The following ZFP64 variants were observed in gnomAD, a reference collection of about 807,000 sequenced individuals.
The protein encoded by ZFP64 is zinc finger protein 64.
A neutral mutation model predicts 51.6 loss-of-function variants in ZFP64; 14 were observed. The ratio of observed to expected loss-of-function variants is 0.27; its 90% CI spans 0.18 to 0.42. The LOEUF (loss-of-function observed/expected upper bound fraction) is 0.42. Among genes scored for constraint, ZFP64 ranks in the 10% least tolerant of loss-of-function variants. The pLI is 1.00. For synonymous variants in ZFP64, 375 were observed against 361.4 expected (o/e 1.04, Z -0.43); for missense variants, 754 against 906.8 (o/e 0.83, Z 2.16).
chr20:52,090,610 C>T (rs1009431862), intron 7 of ZFP64, among the ~76,000 whole-genome samples: 2 of 151,682 alleles, frequency 1.3e-5, no homozygotes, highest in South Asian at 2.1e-4. Flanking sequence ...ACCAGCCTGG[C>T]CAACATGGTG....
chr20:52,128,316 T>C (rs1979544209), intron 5 of ZFP64, among the ~76,000 whole-genome samples: 1 of 152,204 alleles, frequency 6.6e-6, no homozygotes, highest in Non-Finnish European at 1.5e-5. Context: ...GGTCCACTGA[T>C]ATTCCATTGG....
intron 7 of ZFP64, among the ~76,000 whole-genome samples, chr20:52,095,929 G>A (rs911967666): frequency 2.6e-5 from 4 of 152,202 alleles, no homozygotes; most frequent in African/African-American, 4.8e-5. Flanking sequence ...TCCTCAAACT[G>A]AGCTGCCTCG....
intron 5 of ZFP64, among the ~76,000 whole-genome samples, chr20:52,101,753 T>C (rs2079052834): frequency 6.6e-6 from 1 of 151,744 alleles, no homozygotes; most frequent in African/African-American, 2.4e-5. Flanking sequence ...GATTCTGCTG[T>C]ATTACTTGTA....
At chr20:52,172,219 GTT>G (rs1178918096) in intron 2 of ZFP64, among the ~76,000 whole-genome samples, 1 of 150,298 alleles carries the variant, frequency 6.7e-6, no homozygotes. Context: ...GTGTGTGTGT[GTT>G]TGTGTGTGTG....
chr20:52,120,066 A>G (rs1260583933), intron 5 of ZFP64, among the ~76,000 whole-genome samples: 3 of 152,114 alleles, frequency 2.0e-5, no homozygotes, highest in Non-Finnish European at 4.4e-5. Flanking sequence ...CCTGGAAGGA[A>G]TTAGTGCCCT....
intron 2 of ZFP64, among the ~76,000 whole-genome samples, chr20:52,184,977 T>C (rs1307051306): frequency 6.6e-6 from 1 of 152,186 alleles, no homozygotes; most frequent in African/African-American, 2.4e-5. Context: ...ACTTTCTCTA[T>C]AGTACATGCT....
In ZFP64 at chr20:52,105,083, T is replaced by C. The variant is rs945791262; in HGVS notation, c.764-6496A>G. ...TACCCGCGCGGGTCCGGAGAACCTCTGAGCACCGGCCCCCAGCCCCCGGGC... is the reference window on the plus strand; with the variant it reads ...TACCCGCGCGGGTCCGGAGAACCTCCGAGCACCGGCCCCCAGCCCCCGGGC... On this transcript the variant is annotated intron_variant, in intron 5 of 8. Transcript: ENST00000361387. 1.9e-5 allele frequency: 26 copies of C among 1,402,030 alleles called. 1 individual carries two copies. The South Asian group carries it at 3.8e-4, about 21-fold the overall frequency. The allele number at this position is 1,402,030 out of a possible 1,614,324, so 86.8% of individuals were successfully genotyped here. A position where few individuals can be genotyped will look rare whatever the true frequency, so the allele number is the denominator to read the frequency against.
At chr20:52,120,833 T>C (rs1288064231) in intron 5 of ZFP64, among the ~76,000 whole-genome samples, 1 of 151,954 alleles carries the variant, frequency 6.6e-6, no homozygotes, top group Non-Finnish European at 1.5e-5. Context: ...TGTGCCACCA[T>C]GCCCAGATAA....
chr20:52,098,256 C>T (rs2079013151), intron 6 of ZFP64, among the ~76,000 whole-genome samples: 1 of 151,962 alleles, frequency 6.6e-6, no homozygotes, highest in African/African-American at 2.4e-5. Flanking sequence ...GAGTCCCACG[C>T]TGAGCTCTGG....
intron 5 of ZFP64, among the ~76,000 whole-genome samples, chr20:52,099,832 G>T (rs74772383): frequency 6.6e-6 from 1 of 152,294 alleles, no homozygotes; most frequent in East Asian, 1.9e-4. Flanking sequence ...GTTGAACTAG[G>T]TGAAATCGCT....
At chr20:52,117,650 G>A (rs1428666385) in intron 5 of ZFP64, 2 of 456,548 alleles carry the variant, frequency 4.4e-6, no homozygotes, top group Non-Finnish European at 8.8e-6. Flanking sequence ...CAAAAAAGAA[G>A]ATTCCCATGT....
At chr20:52,121,610 C>T (rs549438069) in intron 5 of ZFP64, among the ~76,000 whole-genome samples, 1 of 150,918 alleles carries the variant, frequency 6.6e-6, no homozygotes, top group South Asian at 2.1e-4. Context: ...AGGAAAGGCA[C>T]TGTCTTCATA....
chr20:52,117,711 A>G (rs967628333), intron 5 of ZFP64: 18 of 456,188 alleles, frequency 3.9e-5, no homozygotes, highest in Non-Finnish European at 6.6e-5. Context: ...GGTGTGGACC[A>G]GCTGGGCCAT....
In ZFP64 at chr20:52,152,260, C is replaced by T. The variant is rs142733573; in HGVS notation, c.1932G>A (p.Ala644=). The T allele has an allele frequency of 1.5e-4, 241 of 1,614,082 alleles. No homozygotes were observed. In the African/African-American group the frequency reaches 2.7e-3, roughly 18 times the overall value. The change falls in exon 6 of 6, where the codon GCG becomes GCA. Residue 644 remains alanine, a synonymous_variant. Transcript: ENST00000216923. ...GGGAAGAGGAGGAGAAGACCGGTGG[C>T]GCTGTGGTGGCCACTGCGATGTTCT... ...GGQNIAVATT[A]PPVFSSSSQQ... is the part of the protein sequence containing the mutation.
intron 5 of ZFP64, among the ~76,000 whole-genome samples, chr20:52,159,247 GA>G (rs1568685942): frequency 6.6e-6 from 1 of 152,070 alleles, no homozygotes; most frequent in Non-Finnish European, 1.5e-5. Flanking sequence ...CTGATACACC[GA>G]AAGAAAAAAG....
rs767046645 is a variant in ZFP64 at position 52,187,001 on chromosome 20, C to G, written c.117G>C (p.Gln39His). 6.2e-7 allele frequency: 1 copy of G among 1,614,016 alleles called. No individual in the cohort carries two copies. The highest frequency in any genetic ancestry group is 8.5e-7 in the Non-Finnish European group (1 of 1,179,866). The change falls in exon 2 of 6, where the codon CAG (glutamine) becomes CAC (histidine). Residue 39 changes from glutamine to histidine, a missense_variant. Physicochemically the swap from Gln to His is conservative, Grantham distance 24. This residue lies in a region of ZFP64 where 95 missense variants were observed against 97.7 expected (regional missense o/e 0.97). Transcript: ENST00000216923. ...CTACAAAGGCATCCAGGTTGTTAAA[C>G]TGCTGCTTGCAGATGCCGCAGATAT... ...DIHICGICKQ[Q>H]FNNLDAFVAH...
intron 2 of ZFP64, among the ~76,000 whole-genome samples, chr20:52,182,323 C>G (rs768283406): frequency 7.2e-5 from 11 of 152,182 alleles, no homozygotes; most frequent in Non-Finnish European, 1.2e-4. Context: ...GACTCCAGGA[C>G]TGGCCTGAGC....
At chr20:52,169,305 C>T (rs1325850613) in intron 2 of ZFP64, among the ~76,000 whole-genome samples, 1 of 152,200 alleles carries the variant, frequency 6.6e-6, no homozygotes, top group Non-Finnish European at 1.5e-5. Flanking sequence ...CTAGGATGAT[C>T]AACCATCCCT....
chr20:52,105,119 C>G, intron 5 of ZFP64: 1 of 1,405,918 alleles, frequency 7.1e-7, no homozygotes, highest in Non-Finnish European at 9.2e-7. Context: ...GGGGCTCCAG[C>G]GGCGCTACTC....
Sources: allele counts gnomAD v4.1 joint callset (sites outside exome capture counted in the v4.1 genomes callset), GRCh38; gene constraint gnomAD v4.1.1; regional missense constraint gnomAD v4.1.1; transcripts MANE v1.5; gene names NCBI Gene and HGNC (gene_info 2026-07-23, HGNC 2026-07-21).